Variants in SYT3 observed in about 807,000 individuals in gnomAD.
SYT3 encodes synaptotagmin 3, also known as synaptotagmin-3.
A neutral mutation model predicts 50.6 loss-of-function variants in SYT3; 25 were observed. The observed-to-expected ratio is 0.49, with a 90% CI of 0.36 to 0.69. The LOEUF (loss-of-function observed/expected upper bound fraction) is 0.69. SYT3 is among the 30% of genes least tolerant of loss of function. The pLI is 0.00. For missense variants in SYT3, 589 were observed against 793.6 expected (o/e 0.74, Z 3.10); for synonymous variants, 323 against 353.9 (o/e 0.91, Z 0.98).
At chr19:50,649,613 C>G in the SYT3 span, 10 of 1,286,106 alleles carry the variant, frequency 7.8e-6, no homozygotes, top group East Asian at 2.5e-5. Flanking sequence ...CACTGGCACT[C>G]CAAAGTGAAA....
chr19:50,652,413 A>G, the SYT3 span, among the ~76,000 whole-genome samples: 6 of 152,190 alleles, frequency 3.9e-5, no homozygotes, highest in Non-Finnish European at 8.8e-5. Context: ...CATAGAAATA[A>G]AGGTAAAATT....
chr19:50,643,443 A>C (rs1009077238), upstream of SYT3, among the ~76,000 whole-genome samples: 3 of 151,770 alleles, frequency 2.0e-5, no homozygotes, highest in Non-Finnish European at 4.4e-5. Context: ...CCTGGATGTC[A>C]GAGTGAGACC....
chr19:50,639,993 G>A (rs572309039), upstream of SYT3, among the ~76,000 whole-genome samples: 80 of 152,314 alleles, frequency 5.3e-4, no homozygotes, highest in South Asian at 0.016. The surrounding 1 kb of genome is among the most constrained non-coding windows in gnomAD (Gnocchi z 4.6). Context: ...GATTGCCCGG[G>A]ACTAAGGCAG....
At position 50,632,351 on chromosome 19, in the gene SYT3, G is replaced by T; in HGVS notation, c.609C>A (p.Pro203=). The T allele has an allele frequency of 6.2e-7, 1 of 1,608,520 alleles. No individual in the cohort carries two copies. The change falls in exon 4 of 11, where the codon CCC becomes CCA. Residue 203 remains proline, a synonymous_variant. Coordinates refer to ENST00000600079, the MANE Select transcript of SYT3 (RefSeq NM_001160329.2). This position sits in a 1 kb window ranked among gnomAD's most constrained non-coding sequence, Gnocchi z 4.7. ...GAGSGLLLLP[P]SGGGLPSAQS... The stretch of plus-strand genomic sequence containing the variant: ...GGGCACTGGGCAAGCCCCCACCACT[G>T]GGGGGCAGCAGGAGCAACCCAGAGC...
the SYT3 span, among the ~76,000 whole-genome samples, chr19:50,654,644 GTCTC>G: frequency 1.6e-5 from 2 of 125,464 alleles, no homozygotes; most frequent in South Asian, 2.6e-4. Context: ...CTCTCTTTCT[GTCTC>G]TCTTTCTCCC....
At chr19:50,651,852 A>G in the SYT3 span, among the ~76,000 whole-genome samples, 1 of 152,234 alleles carries the variant, frequency 6.6e-6, no homozygotes, top group East Asian at 1.9e-4. Context: ...CACTGTTGTA[A>G]CTAGAAATAG....
At chr19:50,651,895 C>T in the SYT3 span, among the ~76,000 whole-genome samples, 2 of 152,264 alleles carry the variant, frequency 1.3e-5, no homozygotes, top group South Asian at 4.2e-4. Context: ...TCATGAGAAA[C>T]TATTGTATTC....
At chr19:50,650,614 C>T in the SYT3 span, among the ~76,000 whole-genome samples, 38 of 152,102 alleles carry the variant, frequency 2.5e-4, no homozygotes, top group African/African-American at 3.9e-4. Flanking sequence ...GAGGCTGCAG[C>T]GAGCCAAGAT....
intron 3 of SYT3, among the ~76,000 whole-genome samples, chr19:50,634,639 A>G (rs952296347): frequency 7.5e-6 from 1 of 133,364 alleles, no homozygotes; most frequent in Non-Finnish European, 1.5e-5. Flanking sequence ...GCTGGAGTGC[A>G]GTGGCATGAT....
Position 50,625,920 on chromosome 19 carries a change from G to A in SYT3, c.1379C>T (p.Ala460Val), listed in dbSNP as rs2122999281. 1.9e-6 allele frequency: 3 copies of A among 1,614,042 alleles called. No individual in the cohort carries two copies. Among genetic ancestry groups the A allele is most frequent in the Non-Finnish European group, 2.5e-6 (3 of 1,179,996 alleles). Residue 460 changes from alanine (A) to valine (V), a missense_variant, in exon 7 of 11, where the codon GCG becomes GTG. Physicochemically the swap from Ala to Val is moderately conservative, Grantham distance 64. Coordinates refer to ENST00000600079, the MANE Select transcript of SYT3 (RefSeq NM_001160329.2). This position sits in a 1 kb window ranked among gnomAD's most constrained non-coding sequence, Gnocchi z 7.5. ...ACCTGAGAAGCCAGTGAGGTCCATC[G>A]CTTTGAGGTTAGAGGCTTTGATGAT... ...VTIIKASNLK[A>V]MDLTGFSDPY... is the part of the protein sequence containing the mutation.
At chr19:50,634,416 C>T (rs1488494398) in intron 3 of SYT3, among the ~76,000 whole-genome samples, 2 of 152,100 alleles carry the variant, frequency 1.3e-5, no homozygotes, top group Non-Finnish European at 2.9e-5. Flanking sequence ...TGGTGTGTGA[C>T]ATTAATCCTT....
chr19:50,653,700 A>G, the SYT3 span, among the ~76,000 whole-genome samples: 21 of 137,622 alleles, frequency 1.5e-4, no homozygotes, highest in African/African-American at 6.4e-4. Context: ...ACACACACAC[A>G]CACACACACA....
chr19:50,651,256 C>T, the SYT3 span, among the ~76,000 whole-genome samples: 6 of 152,182 alleles, frequency 3.9e-5, no homozygotes, highest in Non-Finnish European at 7.3e-5. Flanking sequence ...GAAGTTCTTG[C>T]AGGTGACTCT....
chr19:50,656,204 T>C, the SYT3 span: 1 of 1,535,976 alleles, frequency 6.5e-7, no homozygotes, highest in African/African-American at 1.4e-5. Flanking sequence ...CAGAGGTCCC[T>C]GCCTGTTCGC....
At chr19:50,651,472 T>A in the SYT3 span, among the ~76,000 whole-genome samples, 1 of 152,192 alleles carries the variant, frequency 6.6e-6, no homozygotes, top group South Asian at 2.1e-4. Flanking sequence ...AAACACACAT[T>A]GCCCTTTATC....
the SYT3 span, among the ~76,000 whole-genome samples, chr19:50,646,053 G>A: frequency 6.6e-6 from 1 of 152,198 alleles, no homozygotes; most frequent in Non-Finnish European, 1.5e-5. Context: ...GAGAGACACA[G>A]AGGAGCAGAG....
chr19:50,632,953 C>A lies in SYT3; in HGVS notation c.149-142G>T. The A allele has an allele frequency of 1.8e-6, 1 of 553,642 alleles. No homozygotes were observed. Among genetic ancestry groups the A allele is most frequent in the Non-Finnish European group, 2.9e-6 (1 of 339,846 alleles). 34.3% of individuals were successfully genotyped at this position (553,642 alleles called of 1,614,324 possible). On this transcript the variant is annotated intron_variant, in intron 3 of 10. Coordinates refer to ENST00000600079, the MANE Select transcript of SYT3 (RefSeq NM_001160329.2). This position sits in a 1 kb window ranked among gnomAD's most constrained non-coding sequence, Gnocchi z 4.7. Reference sequence around the variant, plus strand: ...AGTGCCAGGCACTTTACATGTATTACTTAATTTATGTTCTACAACTCTACA... The same window carrying A: ...AGTGCCAGGCACTTTACATGTATTAATTAATTTATGTTCTACAACTCTACA...
the SYT3 span, among the ~76,000 whole-genome samples, chr19:50,646,933 C>A: frequency 6.6e-6 from 1 of 152,180 alleles, no homozygotes; most frequent in East Asian, 1.9e-4. Context: ...CGGGCTCACG[C>A]CATTCTCCTG....
chr19:50,651,036 A>AT, the SYT3 span, among the ~76,000 whole-genome samples: 1 of 152,116 alleles, frequency 6.6e-6, no homozygotes, highest in Non-Finnish European at 1.5e-5. Flanking sequence ...AACCAATCAC[A>AT]TTTTTTAGTT....
Sources: allele counts gnomAD v4.1 joint callset (sites outside exome capture counted in the v4.1 genomes callset), GRCh38; gene constraint gnomAD v4.1.1; non-coding constraint Gnocchi (gnomAD v3.1); transcripts MANE v1.5; gene names NCBI Gene and HGNC (gene_info 2026-07-23, HGNC 2026-07-21).